PRELID2: variants seen among roughly 807,000 people sequenced by gnomAD.
PRELID2 encodes the protein PRELI domain containing 2.
Under a neutral mutation model 28.4 loss-of-function variants are expected in PRELID2, and 25 were observed. That is an observed-to-expected ratio of 0.88 (90% CI 0.64 to 1.23). The LOEUF (loss-of-function observed/expected upper bound fraction) is 1.23, where lower values mean the gene tolerates loss of function less well. PRELID2 is among the 50% of genes most tolerant of loss of function. The pLI is 0.00. For synonymous variants in PRELID2, 76 were observed against 71.6 expected (o/e 1.06, Z -0.31); for missense variants, 201 against 214.4 (o/e 0.94, Z 0.39).
At chr5:145,738,119 C>A (rs1161658798) in intron 1 of PRELID2, among the ~76,000 whole-genome samples, 2 of 152,166 alleles carry the variant, frequency 1.3e-5, no homozygotes, top group Admixed American at 1.3e-4. Flanking sequence ...AAAGAAGAAT[C>A]CACTGCCTCA....
At chr5:145,735,557 A>T (rs1378725068) in intron 1 of PRELID2, among the ~76,000 whole-genome samples, 1 of 152,214 alleles carries the variant, frequency 6.6e-6, no homozygotes, top group Non-Finnish European at 1.5e-5. Context: ...AGAAAAAAAG[A>T]AAAAGAAAGA....
At chr5:145,606,738 T>A (rs1753510011) in intron 1 of PRELID2, among the ~76,000 whole-genome samples, 1 of 152,116 alleles carries the variant, frequency 6.6e-6, no homozygotes, top group Admixed American at 6.6e-5. Context: ...TTATTTATTG[T>A]GTATCGGCCA....
At chr5:145,272,960 G>T in the PRELID2 span, among the ~76,000 whole-genome samples, 3 of 152,222 alleles carry the variant, frequency 2.0e-5, no homozygotes, top group African/African-American at 7.2e-5. Flanking sequence ...TGTTTCATGG[G>T]CACAGAGTGC....
At chr5:145,788,498 G>A (rs1752149138) in intron 5 of PRELID2, among the ~76,000 whole-genome samples, 1 of 152,096 alleles carries the variant, frequency 6.6e-6, no homozygotes, top group Admixed American at 6.6e-5. Context: ...ACCCACCAGT[G>A]CTCATTGGCT....
intron 1 of PRELID2, among the ~76,000 whole-genome samples, chr5:145,740,603 A>C (rs71592183): frequency 4.6e-4 from 2 of 4,352 alleles, no homozygotes; most frequent in Admixed American, 3.3e-3. Context: ...ATATATATAT[A>C]TTATATATAT....
the PRELID2 span, among the ~76,000 whole-genome samples, chr5:145,403,540 T>C: frequency 6.6e-6 from 1 of 152,144 alleles, no homozygotes; most frequent in African/African-American, 2.4e-5. Flanking sequence ...CCTACTCCCA[T>C]GAAGAACAGA....
the PRELID2 span, among the ~76,000 whole-genome samples, chr5:145,372,966 C>A: frequency 2.3e-5 from 1 of 44,122 alleles, no homozygotes; most frequent in Non-Finnish European, 4.3e-5. Flanking sequence ...TATATTACAA[C>A]ATATATAATA....
At chr5:145,400,651 G>A in the PRELID2 span, among the ~76,000 whole-genome samples, 1 of 152,248 alleles carries the variant, frequency 6.6e-6, no homozygotes, top group Non-Finnish European at 1.5e-5. Context: ...TTTCTCCTCA[G>A]CGCACACATT....
chr5:145,662,238 A>G (rs569258177), intron 1 of PRELID2, among the ~76,000 whole-genome samples: 5 of 152,140 alleles, frequency 3.3e-5, no homozygotes, highest in Non-Finnish European at 7.4e-5. Context: ...TAAAGAAATC[A>G]TAGAGAAAAC....
chr5:145,508,287 G>GATAGATAA (rs1752429768), intron 1 of PRELID2, among the ~76,000 whole-genome samples: 1 of 151,134 alleles, frequency 6.6e-6, no homozygotes, highest in Non-Finnish European at 1.5e-5. Context: ...TAGATAGATA[G>GATAGATAA]ATAGATAGAT....
At chr5:145,511,233 T>C (rs189018276) in intron 1 of PRELID2, among the ~76,000 whole-genome samples, 35 of 152,320 alleles carry the variant, frequency 2.3e-4, no homozygotes, top group Admixed American at 9.2e-4. Context: ...CTTCAAGAAA[T>C]GCACATGCAT....
At chr5:145,765,584 C>T (rs770126878) in intron 5 of PRELID2, among the ~76,000 whole-genome samples, 2 of 152,132 alleles carry the variant, frequency 1.3e-5, no homozygotes, top group African/African-American at 4.8e-5. Flanking sequence ...GGTATAAAGA[C>T]CTGGCCCCCT....
At chr5:145,446,738 A>G in the PRELID2 span, among the ~76,000 whole-genome samples, 1 of 152,134 alleles carries the variant, frequency 6.6e-6, no homozygotes, top group East Asian at 1.9e-4. Context: ...CAAGAGGAAC[A>G]GATTGCTGTG....
rs1241807455 is a variant in PRELID2 at position 145,726,221 on chromosome 5, G to A, written n.70+38710C>T. Among the ~76,000 whole-genome samples the A allele has an allele frequency of 3.0e-5, 3 of 100,026 alleles. No individual in the cohort carries two copies. In the East Asian group the frequency reaches 9.5e-4, roughly 32 times the overall value. 65.6% of individuals were successfully genotyped at this position (100,026 alleles called of 152,430 possible). A position where few individuals can be genotyped will look rare whatever the true frequency, so the allele number is the denominator to read the frequency against. ...AGAAAGAGCGAAAGAGAGAAGAAAG[G>A]AAGGAAGGAAGGAAGGAGGGAGGGA... On this transcript the variant is annotated intron_variant and non_coding_transcript_variant, in intron 1 of 2. Coordinates refer to the PRELID2 transcript ENST00000510259.
chr5:145,833,280 T>C (rs960905877), intron 1 of PRELID2, among the ~76,000 whole-genome samples: 4 of 152,210 alleles, frequency 2.6e-5, no homozygotes, highest in Admixed American at 1.3e-4. Context: ...CATCTGACAC[T>C]GCAGACGGTC....
chr5:145,755,326 GA>G (rs1757228305), downstream of PRELID2, among the ~76,000 whole-genome samples: 3 of 152,166 alleles, frequency 2.0e-5, no homozygotes, highest in South Asian at 6.2e-4. Flanking sequence ...TTAGCAGAAA[GA>G]CACACAGGAA....
At chr5:145,748,660 T>C (rs538290673) in intron 1 of PRELID2, among the ~76,000 whole-genome samples, 42 of 152,296 alleles carry the variant, frequency 2.8e-4, no homozygotes, top group Middle Eastern at 3.4e-3. Flanking sequence ...AGACCCTGTA[T>C]GGCCAACACA....
intron 5 of PRELID2, among the ~76,000 whole-genome samples, chr5:145,770,365 A>T (rs888880948): frequency 1.5e-4 from 23 of 151,906 alleles, no homozygotes; most frequent in Non-Finnish European, 1.2e-4. Flanking sequence ...AAAAAAAAAA[A>T]TTTAATTAGC....
At chr5:145,297,713 G>C in the PRELID2 span, among the ~76,000 whole-genome samples, 48 of 152,084 alleles carry the variant, frequency 3.2e-4, no homozygotes, top group African/African-American at 1.1e-3. Flanking sequence ...TGTATATCTA[G>C]AAAACTCCAT....
Sources: allele counts gnomAD v4.1 joint callset (sites outside exome capture counted in the v4.1 genomes callset), GRCh38; gene constraint gnomAD v4.1.1; transcripts MANE v1.5; gene names NCBI Gene and HGNC (gene_info 2026-07-23, HGNC 2026-07-21).